The following SNTB2 variants were observed in gnomAD, a reference collection of about 807,000 sequenced individuals.
The protein encoded by SNTB2 is syntrophin beta 2, also known as beta-2-syntrophin.
SNTB2 carries 34 observed loss-of-function variants against 46.2 expected under a neutral mutation model. The observed-to-expected ratio is 0.74, with a 90% CI of 0.56 to 0.98. The LOEUF (loss-of-function observed/expected upper bound fraction) is 0.98, where lower values mean the gene tolerates loss of function less well. SNTB2 is among the 50% of genes least tolerant of loss of function. The pLI is 0.00. For synonymous variants in SNTB2, 290 were observed against 312.6 expected (o/e 0.93, Z 0.76); for missense variants, 603 against 731.4 (o/e 0.82, Z 2.02).
At chr16:69,280,800 CTCTT>C (rs1965034328) in intron 4 of SNTB2, among the ~76,000 whole-genome samples, 1 of 144,752 alleles carries the variant, frequency 6.9e-6, no homozygotes. Context: ...TTTTCATTCT[CTCTT>C]TTTTTTTTTT....
rs146683863 is a variant in SNTB2 at position 69,248,974 on chromosome 16, G to A, written c.794+3159G>A. Among the ~76,000 whole-genome samples the A allele has an allele frequency of 6.2e-4, 92 of 149,166 alleles. 2 individuals carry two copies. The East Asian group carries it at 0.018, about 29-fold the overall frequency. The stretch of plus-strand genomic sequence containing the variant: ...TTGCAACTACATTTGTCAACTAGCT[G>A]TCAGGCTGAGAAAAGTATAGAGTCA... On this transcript the variant is annotated intron_variant, in intron 2 of 6. Transcript: ENST00000336278.
chr16:69,287,070 C>T (rs751496110), intron 5 of SNTB2, among the ~76,000 whole-genome samples: 3 of 152,090 alleles, frequency 2.0e-5, no homozygotes, highest in Non-Finnish European at 2.9e-5. Flanking sequence ...AATGTGTGCC[C>T]AACACTTACT....
At chr16:69,299,515 G>A in intron 5 of SNTB2, 75 bp from the exon 6 acceptor site, 2 of 1,416,464 alleles carry the variant, frequency 1.4e-6, no homozygotes, top group Non-Finnish European at 2.0e-6. Flanking sequence ...CTATTTTGAA[G>A]TCAGAAGATT....
intron 1 of SNTB2, among the ~76,000 whole-genome samples, chr16:69,192,845 GA>G (rs1964068151): frequency 6.6e-6 from 1 of 152,032 alleles, no homozygotes; most frequent in African/African-American, 2.4e-5. Context: ...AATAATAAAA[GA>G]AATATAAAAT....
intron 1 of SNTB2, among the ~76,000 whole-genome samples, chr16:69,200,032 A>G (rs946223640): frequency 6.6e-6 from 1 of 151,916 alleles, no homozygotes; most frequent in Non-Finnish European, 1.5e-5. Context: ...CTCCTGCCGC[A>G]GCCTCTTGAG....
At chr16:69,241,486 T>C (rs1272199142) in intron 1 of SNTB2, among the ~76,000 whole-genome samples, 1 of 149,324 alleles carries the variant, frequency 6.7e-6, no homozygotes, top group Non-Finnish European at 1.5e-5. Flanking sequence ...CCAGCCTAGA[T>C]AAGCTTTAAA....
At chr16:69,263,962 A>C (rs979074288) in intron 3 of SNTB2, among the ~76,000 whole-genome samples, 14 of 148,362 alleles carry the variant, frequency 9.4e-5, no homozygotes, top group Admixed American at 8.1e-4. Context: ...TCCGCCTCCC[A>C]AAAAAAAAAT....
At chr16:69,268,072 ATAG>A (rs1199020732) in intron 3 of SNTB2, among the ~76,000 whole-genome samples, 3 of 152,356 alleles carry the variant, frequency 2.0e-5, no homozygotes, top group Middle Eastern at 3.4e-3. Flanking sequence ...ATATGGATAA[ATAG>A]TAGTTGTTTT....
intron 6 of SNTB2, among the ~76,000 whole-genome samples, chr16:69,300,444 G>T (rs1194904275): frequency 6.6e-6 from 1 of 152,024 alleles, no homozygotes; most frequent in Non-Finnish European, 1.5e-5. Context: ...TAGAGATGGG[G>T]TTTCACCGTG....
chr16:69,190,142 C>T (rs746302610), intron 1 of SNTB2, among the ~76,000 whole-genome samples: 8 of 152,190 alleles, frequency 5.3e-5, no homozygotes, highest in Non-Finnish European at 1.2e-4. Context: ...GTGTCCCATC[C>T]AGGTAGGCCA....
chr16:69,273,774 T>G (rs913784627), intron 4 of SNTB2, among the ~76,000 whole-genome samples: 1 of 152,158 alleles, frequency 6.6e-6, no homozygotes, highest in African/African-American at 2.4e-5. Context: ...TAAGACTGAT[T>G]CCTAATAAAC....
intron 1 of SNTB2, among the ~76,000 whole-genome samples, chr16:69,216,035 T>C (rs1964343945): frequency 6.6e-6 from 1 of 152,194 alleles, no homozygotes. Flanking sequence ...AGGCTGGTCC[T>C]GAACTTCTGG....
rs1965334315 is a variant in SNTB2, at chr16:69,308,845, A to T, written c.*7921A>T. On this transcript the variant is annotated 3_prime_UTR_variant, in exon 7 of 7. Transcript: ENST00000336278. ...CCAAATCAAAAACCCAACGCGTAAAACAGGGCAGTATTTGTGTTCCTAATT... is the reference window on the plus strand; with the variant it reads ...CCAAATCAAAAACCCAACGCGTAAATCAGGGCAGTATTTGTGTTCCTAATT... 1 of 152,322 alleles carries T rather than the reference A, an allele frequency of 6.6e-6. No homozygotes were observed. The highest frequency in any genetic ancestry group is 6.5e-5 in the Admixed American group (1 of 15,268). The allele number at this position is 152,322 out of a possible 1,614,324, so 9.4% of individuals were successfully genotyped here.
chr16:69,254,002 C>G (rs962603537), intron 2 of SNTB2, among the ~76,000 whole-genome samples: 2 of 152,082 alleles, frequency 1.3e-5, no homozygotes, highest in Admixed American at 1.3e-4. Context: ...AAGGAAATTT[C>G]TGGTCAAGGT....
chr16:69,306,282 A>G lies in SNTB2; in HGVS notation c.*5358A>G, dbSNP rs760446544. ...GTCTCTCTGACTAGCTAAACTGCCA[A>G]CTAGAAGAATGGTTGTTATGTAGTA... On this transcript the variant is annotated 3_prime_UTR_variant, in exon 7 of 7. Transcript: ENST00000336278. The G allele has an allele frequency of 3.3e-5, 5 of 152,164 alleles. No homozygotes were observed. The highest frequency in any genetic ancestry group is 9.7e-5 in the African/African-American group (4 of 41,448). 9.4% of individuals were successfully genotyped at this position (152,164 alleles called of 1,614,324 possible).
At chr16:69,242,709 C>A (rs1186464628) in intron 1 of SNTB2, among the ~76,000 whole-genome samples, 1 of 152,140 alleles carries the variant, frequency 6.6e-6, no homozygotes, top group East Asian at 1.9e-4. Flanking sequence ...GGAGGAAGCC[C>A]ACCTTCACGT....
chr16:69,254,752 A>T (rs536011157), intron 2 of SNTB2, among the ~76,000 whole-genome samples: 117 of 152,198 alleles, frequency 7.7e-4, no homozygotes, highest in Non-Finnish European at 1.0e-3. Flanking sequence ...CCAGGGCAGG[A>T]GGGTCACTTG....
rs768677936 is a variant in SNTB2, at chr16:69,303,831, A to G, written c.*2907A>G. 3.9e-5 allele frequency: 6 copies of G among 152,744 alleles called. No individual in the cohort carries two copies. The highest frequency in any genetic ancestry group is 1.2e-4 in the African/African-American group (5 of 41,564). The allele number at this position is 152,744 out of a possible 1,614,324, so 9.5% of individuals were successfully genotyped here. On this transcript the variant is annotated 3_prime_UTR_variant, in exon 7 of 7. Transcript: ENST00000336278. ...TTCCAAATGATAACTACAAATGGGAATTTTCGATATTCTACCTTTTTTATA... is the reference window on the plus strand; with the variant it reads ...TTCCAAATGATAACTACAAATGGGAGTTTTCGATATTCTACCTTTTTTATA...
At chr16:69,222,913 C>T (rs1964420794) in intron 1 of SNTB2, among the ~76,000 whole-genome samples, 1 of 151,490 alleles carries the variant, frequency 6.6e-6, no homozygotes, top group Non-Finnish European at 1.5e-5. Flanking sequence ...TCCCGAGTAG[C>T]TGGGATTACT....
Sources: allele counts gnomAD v4.1 joint callset (sites outside exome capture counted in the v4.1 genomes callset), GRCh38; gene constraint gnomAD v4.1.1; transcripts MANE v1.5; gene names NCBI Gene and HGNC (gene_info 2026-07-23, HGNC 2026-07-21).